The following SCN10A variants were observed in gnomAD, a reference collection of about 807,000 sequenced individuals.
The protein encoded by SCN10A is sodium voltage-gated channel alpha subunit 10.
A neutral mutation model predicts 170.7 loss-of-function variants in SCN10A; 162 were observed. That is an observed-to-expected ratio of 0.95 (90% confidence interval 0.84 to 1.08). SCN10A has a LOEUF of 1.08. SCN10A is among the 50% of genes least tolerant of loss of function. The probability of loss-of-function intolerance (pLI) is 0.00; values close to 1 mark genes in which losing one functional copy is unlikely to be tolerated. For synonymous variants in SCN10A, 985 were observed against 904.6 expected (o/e 1.09, Z -1.59); for missense variants, 2,527 against 2,436.9 (o/e 1.04, Z -0.78).
intron 4 of SCN10A, among the ~76,000 whole-genome samples, chr3:38,781,855 A>G (rs1051794897): frequency 6.6e-6 from 1 of 152,050 alleles, no homozygotes; most frequent in African/African-American, 2.4e-5. Context: ...TTGATGTACA[A>G]TTCTTCCAGT....
At chr3:38,721,458 A>G (rs772187879) in intron 20 of SCN10A, among the ~76,000 whole-genome samples, 3 of 152,158 alleles carry the variant, frequency 2.0e-5, no homozygotes, top group South Asian at 4.1e-4. Flanking sequence ...GTCTATGTCT[A>G]CCTTGGTCTA....
chr3:38,764,410 T>G (rs2063909945), intron 5 of SCN10A, among the ~76,000 whole-genome samples: 1 of 152,120 alleles, frequency 6.6e-6, no homozygotes, highest in Non-Finnish European at 1.5e-5. Context: ...ATTATGTCAT[T>G]GTTATGCCTT....
chr3:38,804,878 A>C (rs776016625), intron 1 of SCN10A, among the ~76,000 whole-genome samples: 3 of 152,146 alleles, frequency 2.0e-5, no homozygotes, highest in African/African-American at 4.8e-5. Context: ...GGTAGCCAAA[A>C]ATGAAGGAGA....
chr3:38,711,655 C>T (rs534248589), intron 23 of SCN10A, among the ~76,000 whole-genome samples: 18 of 152,298 alleles, frequency 1.2e-4, no homozygotes, highest in Middle Eastern at 3.4e-3. Flanking sequence ...ATTGTATTAA[C>T]ACTTGAATGA....
intron 1 of SCN10A, among the ~76,000 whole-genome samples, chr3:38,814,507 T>C (rs1376364155): frequency 1.3e-5 from 2 of 152,182 alleles, no homozygotes; most frequent in Non-Finnish European, 2.9e-5. Context: ...TTAGTGGGTT[T>C]CTCCTCCTGG....
chr3:38,703,879 C>T (rs1039968371), intron 26 of SCN10A, among the ~76,000 whole-genome samples: 3 of 152,190 alleles, frequency 2.0e-5, no homozygotes, highest in Non-Finnish European at 4.4e-5. Context: ...CTGTCTTGCT[C>T]ACTGCTCTAA....
chr3:38,748,610 C>T (rs1424752986), intron 13 of SCN10A, among the ~76,000 whole-genome samples: 2 of 152,128 alleles, frequency 1.3e-5, no homozygotes, highest in Non-Finnish European at 2.9e-5. Flanking sequence ...GTGGGAGAGT[C>T]CATGAAGATG....
intron 14 of SCN10A, 58 bp downstream of exon 14, chr3:38,742,233 A>T: frequency 1.1e-6 from 1 of 944,102 alleles, no homozygotes; most frequent in Non-Finnish European, 1.6e-6. Context: ...GCACCCTGCC[A>T]TCATCCCCAC....
chr3:38,794,975 A>C (rs1480866513), intron 1 of SCN10A, among the ~76,000 whole-genome samples: 1 of 151,998 alleles, frequency 6.6e-6, no homozygotes, highest in Non-Finnish European at 1.5e-5. Flanking sequence ...ATCTTCCTAC[A>C]TTCTAAGGAC....
At chr3:38,734,244 A>T (rs888721549) in intron 15 of SCN10A, among the ~76,000 whole-genome samples, 2 of 151,698 alleles carry the variant, frequency 1.3e-5, no homozygotes, top group African/African-American at 4.8e-5. Context: ...CTGGTCTCCA[A>T]CTCCTGTCCT....
At chr3:38,733,256 A>T (rs2063528483) in intron 15 of SCN10A, among the ~76,000 whole-genome samples, 1 of 152,118 alleles carries the variant, frequency 6.6e-6, no homozygotes, top group Admixed American at 6.5e-5. Context: ...GCAAACTTTG[A>T]AGTTATATTG....
At chr3:38,712,596 A>C (rs1244296705) in intron 22 of SCN10A, 151 bp from the exon 23 acceptor site, 1 of 717,348 alleles carries the variant, frequency 1.4e-6, no homozygotes, top group Non-Finnish European at 2.3e-6. Flanking sequence ...AATAATTCAG[A>C]CTCAGAAGAC....
At chr3:38,793,060 T>A (rs2064304330) in intron 2 of SCN10A, among the ~76,000 whole-genome samples, 3 of 152,012 alleles carry the variant, frequency 2.0e-5, no homozygotes, top group Admixed American at 2.0e-4. Context: ...TATAGATGTA[T>A]ACACACATAT....
intron 21 of SCN10A, among the ~76,000 whole-genome samples, chr3:38,717,605 A>T (rs985654188): frequency 6.6e-6 from 1 of 152,260 alleles, no homozygotes. Context: ...TTGAATGCAC[A>T]GGCCTGCTAT....
At chr3:38,737,810 T>TTCTTTCTTTCTG (rs1392958040) in intron 15 of SCN10A, among the ~76,000 whole-genome samples, 1 of 120,026 alleles carries the variant, frequency 8.3e-6, no homozygotes, top group African/African-American at 3.8e-5. Context: ...CTTTCTTTCT[T>TTCTTTCTTTCTG]TCTTTCTTTC....
At chr3:38,717,103 T>C (rs2063341416) in intron 21 of SCN10A, among the ~76,000 whole-genome samples, 2 of 151,930 alleles carry the variant, frequency 1.3e-5, no homozygotes, top group South Asian at 4.1e-4. Flanking sequence ...TAGAAAGATA[T>C]AAGGGTTAAG....
chr3:38,697,139 A>G lies in SCN10A; in HGVS notation c.*210T>C, dbSNP rs886066239. On this transcript the variant is annotated 3_prime_UTR_variant, in exon 28 of 28. Coordinates refer to ENST00000449082, the MANE Select transcript of SCN10A (RefSeq NM_006514.4). ...TATTGAAATTCAGAAGGGAAATCAC[A>G]GTGGAAGTGCTCTTAGCTTCTGACT... The G allele has an allele frequency of 1.6e-6, 1 of 636,538 alleles. No homozygotes were observed. The highest frequency in any genetic ancestry group is 2.6e-6 in the Non-Finnish European group (1 of 381,214). 39.4% of individuals were successfully genotyped at this position (636,538 alleles called of 1,614,324 possible). A position where few individuals can be genotyped will look rare whatever the true frequency, so the allele number is the denominator to read the frequency against.
At chr3:38,731,403 T>C (rs2063512144) in intron 15 of SCN10A, among the ~76,000 whole-genome samples, 1 of 152,198 alleles carries the variant, frequency 6.6e-6, no homozygotes, top group Admixed American at 6.5e-5. Flanking sequence ...TACAAGAATG[T>C]GAAACTGTGC....
chr3:38,736,979 T>TTTTG (rs2063570931), intron 15 of SCN10A, among the ~76,000 whole-genome samples: 1 of 111,542 alleles, frequency 9.0e-6, no homozygotes, highest in Non-Finnish European at 1.9e-5. Flanking sequence ...TTTTTTTTTT[T>TTTTG]TTTTTTTTTG....
Sources: allele counts gnomAD v4.1 joint callset (sites outside exome capture counted in the v4.1 genomes callset), GRCh38; gene constraint gnomAD v4.1.1; transcripts MANE v1.5; gene names NCBI Gene and HGNC (gene_info 2026-07-23, HGNC 2026-07-21).